The following SMG7 variants were observed in gnomAD, a reference collection of about 807,000 sequenced individuals.
The protein encoded by SMG7 is SMG7 nonsense mediated mRNA decay factor.
SMG7 carries 34 observed loss-of-function variants against 148.2 expected under a neutral mutation model. That is an observed-to-expected ratio of 0.23 (90% CI 0.17 to 0.31). The LOEUF is 0.31. SMG7 is among the 10% of genes least tolerant of loss of function. The probability of loss-of-function intolerance (pLI) is 1.00; values close to 1 mark genes in which losing one functional copy is unlikely to be tolerated. For synonymous variants in SMG7, 492 were observed against 515.1 expected, an observed-to-expected ratio of 0.96 and a Z score of 0.61; for missense variants, 1,114 against 1,408.4, an observed-to-expected ratio of 0.79 and a Z score of 3.35.
At chr1:183,493,149 C>CT (rs35442125) in intron 1 of SMG7, among the ~76,000 whole-genome samples, 48,369 of 151,702 alleles carry the variant, frequency 0.32, 8,457 homozygotes, top group East Asian at 0.52. Context: ...TTTTTACAAA[C>CT]TTTTTTATAA....
At chr1:183,502,153 T>C in intron 1 of SMG7, 1 of 763,804 alleles carries the variant, frequency 1.3e-6, no homozygotes, top group Non-Finnish European at 1.8e-6. Context: ...TCCTTTACCT[T>C]TCACATGAAG....
intron 1 of SMG7, among the ~76,000 whole-genome samples, chr1:183,483,514 G>A (rs572260544): frequency 6.6e-6 from 1 of 152,196 alleles, no homozygotes; most frequent in South Asian, 2.1e-4. Context: ...GGTGAAAAAA[G>A]TAAAAAAGCA....
intron 2 of SMG7, among the ~76,000 whole-genome samples, chr1:183,514,219 A>C (rs1319883777): frequency 6.7e-6 from 1 of 148,654 alleles, no homozygotes; most frequent in African/African-American, 2.5e-5. Flanking sequence ...AAATTCACAA[A>C]AAAAAAAAAA....
intron 1 of SMG7, among the ~76,000 whole-genome samples, chr1:183,481,936 C>T (rs991205260): frequency 1.3e-5 from 2 of 151,966 alleles, no homozygotes; most frequent in Non-Finnish European, 2.9e-5. Context: ...GCCTCAGCCT[C>T]CCAAGTTGCT....
chr1:183,540,014 A>C (rs919575322), intron 12 of SMG7, among the ~76,000 whole-genome samples: 1 of 152,182 alleles, frequency 6.6e-6, no homozygotes, highest in Non-Finnish European at 1.5e-5. Context: ...TTCCAGCACT[A>C]TCCAGCTCCT....
chr1:183,544,951 T>G lies in SMG7; in HGVS notation c.2009T>G (p.Val670Gly). 1 of 1,613,724 alleles carries G rather than the reference T, an allele frequency of 6.2e-7. No individual in the cohort carries two copies. The highest frequency in any genetic ancestry group is 8.5e-7 in the Non-Finnish European group (1 of 1,179,726). The change falls in exon 16 of 23, where the codon GTT becomes GGT. Residue 670 changes from valine to glycine, a missense_variant. By Grantham distance (109) the Val-to-Gly change is moderately radical (BLOSUM62 -3). This residue lies in a region of SMG7 where 788 missense variants were observed against 894.5 expected (regional missense o/e 0.88). Transcript: ENST00000688051. ...SRPGFPPPTY[V>G]IPPPVAFSMG... ...GAAGGGTTTCCGCCCCCAACATATG[T>G]TATCCCCCCGCCTGTGGCATTTTCT...
At chr1:183,487,438 C>T (rs556978845) in intron 1 of SMG7, among the ~76,000 whole-genome samples, 1 of 152,344 alleles carries the variant, frequency 6.6e-6, no homozygotes, top group African/African-American at 2.4e-5. Flanking sequence ...TAACTAATCA[C>T]ACCTGAAAAA....
intron 1 of SMG7, chr1:183,502,175 A>G: frequency 1.0e-6 from 1 of 956,922 alleles, no homozygotes; most frequent in Non-Finnish European, 1.4e-6. Context: ...CATTTCAAAT[A>G]AAGATAAAAT....
At chr1:183,528,054 G>T in intron 6 of SMG7, 27 bp downstream of exon 6, 1 of 1,562,508 alleles carries the variant, frequency 6.4e-7, no homozygotes, top group South Asian at 1.1e-5. Context: ...ACCTGAGATT[G>T]ACCGTGACAC....
At chr1:183,509,345 C>G (rs919491236) in intron 1 of SMG7, among the ~76,000 whole-genome samples, 1 of 152,158 alleles carries the variant, frequency 6.6e-6, no homozygotes. Context: ...CCTAGATAAG[C>G]CAACATTAGC....
Position 183,527,512 on chromosome 1 carries a change from T to C in SMG7, c.485-444T>C. ...TAAATATAATCTTTGCACACACATATTTAATATTGCAATAGGAATGAGACA... is the reference window on the plus strand; with the variant it reads ...TAAATATAATCTTTGCACACACATACTTAATATTGCAATAGGAATGAGACA... On this transcript the variant is annotated intron_variant, in intron 5 of 22. Transcript: ENST00000688051. This position sits in a 1 kb window ranked among gnomAD's most constrained non-coding sequence, Gnocchi z 4.0. The C allele has an allele frequency of 2.4e-6, 1 of 424,532 alleles. No individual in the cohort carries two copies. 26.3% of individuals were successfully genotyped at this position (424,532 alleles called of 1,614,324 possible).
chr1:183,503,390 C>T lies in SMG7; in HGVS notation c.30-9447C>T, dbSNP rs12095189. Among the ~76,000 whole-genome samples the T allele has an allele frequency of 6.8e-3, 1,028 of 152,036 alleles. 9 individuals carry two copies. Among genetic ancestry groups the T allele is most frequent in the African/African-American group, 0.022 (933 of 41,476 alleles). ...TTTTAAAAATGTATTTGTTAAATAA[C>T]GTAATCAGAACTAATGTTTGGAGAA... On this transcript the variant is annotated intron_variant, in intron 1 of 22. Transcript: ENST00000688051.
intron 1 of SMG7, among the ~76,000 whole-genome samples, chr1:183,510,926 G>A (rs61809297): frequency 1.1e-4 from 16 of 152,140 alleles, no homozygotes; most frequent in East Asian, 1.9e-4. Context: ...GGGAGGCGGA[G>A]CTTGCAGTGA....
chr1:183,529,615 G>A (rs147137468), intron 8 of SMG7, 82 bp downstream of exon 8: 135 of 1,134,292 alleles, frequency 1.2e-4, no homozygotes, highest in Non-Finnish European at 1.6e-4. Context: ...CCCAGTTTTT[G>A]TAGTTACTTA....
intron 1 of SMG7, chr1:183,502,155 C>T: frequency 1.3e-6 from 1 of 766,484 alleles, no homozygotes; most frequent in Non-Finnish European, 1.8e-6. Context: ...CTTTACCTTT[C>T]ACATGAAGTC....
intron 15 of SMG7, 93 bp from the exon 16 acceptor site, chr1:183,544,837 A>T: frequency 2.2e-4 from 254 of 1,136,854 alleles, no homozygotes; most frequent in Non-Finnish European, 3.0e-4. Flanking sequence ...GTGTTAGAAG[A>T]CTCCCTCTAC....
rs1245320191 is a variant in SMG7, at chr1:183,533,764, G to A, written c.1095G>A (p.Lys365=). The A allele has an allele frequency of 6.2e-7, 1 of 1,613,214 alleles. No individual in the cohort carries two copies. Among genetic ancestry groups the A allele is most frequent in the Non-Finnish European group, 8.5e-7 (1 of 1,179,472 alleles). ...ATGCCTATCCTCTTCCAGCAGTCAA[G>A]GTCTCCATGGACTGGCTAAGACTCA... ...SYNAYPLPAV[K]VSMDWLRLRP... The change falls in exon 10 of 23, where the codon AAG becomes AAA. Residue 365 remains lysine (K), a synonymous_variant. Transcript: ENST00000688051.
intron 1 of SMG7, among the ~76,000 whole-genome samples, chr1:183,495,738 C>T (rs929056728): frequency 6.6e-6 from 1 of 151,960 alleles, no homozygotes; most frequent in Non-Finnish European, 1.5e-5. Context: ...TGTGGTGGTG[C>T]GTGCCTGTAA....
intron 8 of SMG7, among the ~76,000 whole-genome samples, chr1:183,530,243 A>G (rs373643141): frequency 2.1e-4 from 32 of 152,140 alleles, no homozygotes; most frequent in African/African-American, 6.8e-4. Flanking sequence ...CTAGGTATCT[A>G]TATACTTGGG....
Sources: gnomAD v4.1 joint callset for allele counts (sites outside exome capture counted in the v4.1 genomes callset) on GRCh38, gnomAD v4.1.1 for gene constraint, gnomAD v4.1.1 regional missense constraint, Gnocchi (gnomAD v3.1) non-coding constraint, MANE v1.5 for transcripts, NCBI Gene and HGNC (gene_info 2026-07-23, HGNC 2026-07-21) for gene names.